SUSD4: variants seen among roughly 807,000 people sequenced by gnomAD.
SUSD4 encodes sushi domain containing 4.
SUSD4 carries 41 observed loss-of-function variants against 50.5 expected under a neutral mutation model. That is an observed-to-expected ratio of 0.81 (90% CI 0.63 to 1.05). The LOEUF is 1.05. Ranked by LOEUF, SUSD4 falls within the 50% of genes least tolerant of loss-of-function variation. The pLI, the probability that SUSD4 is intolerant of heterozygous loss-of-function variation, is 0.00. For synonymous variants in SUSD4, 257 were observed against 257.3 expected, an observed-to-expected ratio of 1.00 and a Z score of 0.01; for missense variants, 580 against 634.7, an observed-to-expected ratio of 0.91 and a Z score of 0.93.
chr1:223,268,045 A>ATATATATATATATATATG (rs1281770379), intron 4 of SUSD4, among the ~76,000 whole-genome samples: 1 of 62,584 alleles, frequency 1.6e-5, no homozygotes. Context: ...ATATATATAC[A>ATATATATATATATATATG]CACACACTGT....
chr1:223,234,857 G>T, intron 5 of SUSD4: 1 of 1,423,484 alleles, frequency 7.0e-7, no homozygotes, highest in Non-Finnish European at 9.3e-7. Context: ...TTCTTCCCTT[G>T]ATGCACTAAC....
chr1:223,295,781 G>A (rs1664780383), intron 2 of SUSD4, among the ~76,000 whole-genome samples: 1 of 151,680 alleles, frequency 6.6e-6, no homozygotes, highest in East Asian at 1.9e-4. Context: ...TCAAGACTGA[G>A]GGTATACATA....
intron 2 of SUSD4, among the ~76,000 whole-genome samples, chr1:223,328,794 A>G (rs1367711364): frequency 6.6e-6 from 1 of 152,196 alleles, no homozygotes; most frequent in Non-Finnish European, 1.5e-5. Flanking sequence ...ACCAGCTGGC[A>G]CCTCAGAATC....
At chr1:223,344,969 C>T (rs1667952611) in intron 2 of SUSD4, among the ~76,000 whole-genome samples, 1 of 152,226 alleles carries the variant, frequency 6.6e-6, no homozygotes, top group African/African-American at 2.4e-5. Flanking sequence ...TCATTTATAA[C>T]TTATCTACCC....
At chr1:223,253,543 C>T (rs982717908) in intron 5 of SUSD4, among the ~76,000 whole-genome samples, 1 of 152,010 alleles carries the variant, frequency 6.6e-6, no homozygotes, top group African/African-American at 2.4e-5. Flanking sequence ...GGGGTGGGAA[C>T]TGGGGTGGAG....
At position 223,227,797 on chromosome 1, in the gene SUSD4, T is replaced by C. The variant is rs1307354951; in HGVS notation, c.917-59A>G. 7 of 1,535,752 alleles carry C rather than the reference T, an allele frequency of 4.6e-6. No individual in the cohort carries two copies. The highest frequency in any genetic ancestry group is 6.2e-6 in the Non-Finnish European group (7 of 1,132,824). ...TCCCAGACCATGAGAGGTGCCGAGG[T>C]TCCCCGTGGGCTCATTTGCTGGATT... On this transcript the variant is annotated intron_variant, in intron 6 of 8. Transcript: ENST00000366878. The surrounding 1 kb of genome is among the most constrained non-coding windows in gnomAD (Gnocchi z 4.5).
At chr1:223,281,303 G>T (rs927321592) in intron 3 of SUSD4, among the ~76,000 whole-genome samples, 1 of 152,108 alleles carries the variant, frequency 6.6e-6, no homozygotes, top group South Asian at 2.1e-4. Flanking sequence ...ACAGGAGCTG[G>T]TTTTCTGAAA....
intron 2 of SUSD4, among the ~76,000 whole-genome samples, chr1:223,348,668 C>T (rs930013159): frequency 2.6e-5 from 4 of 152,170 alleles, no homozygotes; most frequent in Admixed American, 6.5e-5. Flanking sequence ...TAGGCCTCCC[C>T]GGTACACTAC....
intron 3 of SUSD4, 34 bp downstream of exon 3, chr1:223,292,405 A>AT (rs1303764186): frequency 2.5e-6 from 4 of 1,612,904 alleles, no homozygotes; most frequent in Admixed American, 3.3e-5. Flanking sequence ...CTTGAACCAC[A>AT]TGAGTGGCTT....
At chr1:223,364,704 A>G (rs1292785077), upstream of SUSD4, among the ~76,000 whole-genome samples, 2 of 151,026 alleles carry the variant, frequency 1.3e-5, no homozygotes, top group East Asian at 2.0e-4. The surrounding 1 kb of genome is among the most constrained non-coding windows in gnomAD (Gnocchi z 4.5). Context: ...GCTCCGCCCT[A>G]GAACTACCGC....
intron 2 of SUSD4, among the ~76,000 whole-genome samples, chr1:223,318,432 C>T (rs1236436125): frequency 1.3e-5 from 1 of 77,424 alleles, no homozygotes; most frequent in South Asian, 5.4e-4. Flanking sequence ...GGAATCGCCA[C>T]GCTGACTTCC....
rs761134277 is a variant in SUSD4, at chr1:223,223,448, G to A, written c.1245C>T (p.Pro415=). 1.3e-5 allele frequency: 21 copies of A among 1,613,852 alleles called. No homozygotes were observed. The highest frequency in any genetic ancestry group is 2.2e-5 in the South Asian group (2 of 91,072). ...PVDDQSPPAY[P]GSGDTDTGPG... ...GGCCTGTGTCCGTGTCCCCTGAGCC[G>A]GGGTATGCTGGGGGGCTCTGGTCGT... The change falls in exon 8 of 9, where the codon CCC becomes CCT. Residue 415 remains proline (P), a synonymous_variant. Transcript: ENST00000366878.
intron 2 of SUSD4, among the ~76,000 whole-genome samples, chr1:223,322,388 C>T (rs764006944): frequency 2.0e-5 from 3 of 152,194 alleles, no homozygotes; most frequent in East Asian, 1.9e-4. Flanking sequence ...TCTAAGAGTT[C>T]GTGTCCTATT....
intron 6 of SUSD4, among the ~76,000 whole-genome samples, chr1:223,228,107 G>A (rs1267293459): frequency 6.6e-6 from 1 of 152,218 alleles, no homozygotes; most frequent in Non-Finnish European, 1.5e-5. Flanking sequence ...GGGGGAGTGG[G>A]AAGCTGGGCC....
At chr1:223,250,114 C>T (rs1661202676) in intron 5 of SUSD4, among the ~76,000 whole-genome samples, 1 of 152,198 alleles carries the variant, frequency 6.6e-6, no homozygotes, top group South Asian at 2.1e-4. Flanking sequence ...TTTACTTTCT[C>T]ATCTTATTTT....
At chr1:223,262,498 G>A (rs1662193037) in intron 5 of SUSD4, among the ~76,000 whole-genome samples, 1 of 152,170 alleles carries the variant, frequency 6.6e-6, no homozygotes, top group South Asian at 2.1e-4. Context: ...CATAACTAAG[G>A]CACCATCTTT....
chr1:223,331,305 TCA>T (rs1449748312), intron 2 of SUSD4, among the ~76,000 whole-genome samples: 3 of 152,172 alleles, frequency 2.0e-5, no homozygotes, highest in African/African-American at 7.2e-5. Context: ...CATTCCAGCA[TCA>T]CAGAGAGACC....
chr1:223,361,123 A>C (rs191493902), intron 2 of SUSD4, among the ~76,000 whole-genome samples: 2 of 152,232 alleles, frequency 1.3e-5, no homozygotes, highest in Non-Finnish European at 2.9e-5. Context: ...TTGTATGCAC[A>C]TTAAAGTTTT....
intron 2 of SUSD4, among the ~76,000 whole-genome samples, chr1:223,347,498 C>T (rs1407526296): frequency 6.6e-6 from 1 of 152,070 alleles, no homozygotes; most frequent in African/African-American, 2.4e-5. Context: ...ATGTGCCCAA[C>T]ATCTTATGTC....
Sources: allele counts gnomAD v4.1 joint callset (sites outside exome capture counted in the v4.1 genomes callset), GRCh38; gene constraint gnomAD v4.1.1; non-coding constraint Gnocchi (gnomAD v3.1); transcripts MANE v1.5; gene names NCBI Gene and HGNC (gene_info 2026-07-23, HGNC 2026-07-21).